Variants in SLC24A2 observed in about 807,000 individuals in gnomAD.
The protein encoded by SLC24A2 is sodium/potassium/calcium exchanger 2.
SLC24A2 carries 36 observed loss-of-function variants against 62.0 expected under a neutral mutation model. The observed-to-expected ratio is 0.58, with a 90% CI of 0.44 to 0.77. SLC24A2 has a LOEUF of 0.77. Among genes scored for constraint, SLC24A2 ranks in the 30% least tolerant of loss-of-function variants. SLC24A2 has a pLI of 0.00. For synonymous variants in SLC24A2, 358 were observed against 294.0 expected (o/e 1.22, Z -2.23); for missense variants, 846 against 817.9 (o/e 1.03, Z -0.42).
At chr9:19,643,501 T>C (rs1818560841) in intron 2 of SLC24A2, among the ~76,000 whole-genome samples, 1 of 152,294 alleles carries the variant, frequency 6.6e-6, no homozygotes, top group Admixed American at 6.5e-5. Flanking sequence ...TTTCTCTGTA[T>C]GCAGGGTGTT....
chr9:20,295,873 G>A, the SLC24A2 span, among the ~76,000 whole-genome samples: 4 of 152,128 alleles, frequency 2.6e-5, no homozygotes, highest in East Asian at 5.8e-4. Flanking sequence ...CCATAACTGC[G>A]TGAGACAATT....
the SLC24A2 span, among the ~76,000 whole-genome samples, chr9:20,010,311 A>G: frequency 6.6e-6 from 1 of 152,160 alleles, no homozygotes; most frequent in Non-Finnish European, 1.5e-5. Flanking sequence ...TCAAATAAGC[A>G]AGGATCAGTG....
chr9:19,833,980 T>G, the SLC24A2 span, among the ~76,000 whole-genome samples: 1 of 152,086 alleles, frequency 6.6e-6, no homozygotes, highest in South Asian at 2.1e-4. Flanking sequence ...TGGAGTGGAC[T>G]GCCAGTAAAC....
At chr9:20,016,182 A>T in the SLC24A2 span, among the ~76,000 whole-genome samples, 61 of 152,276 alleles carry the variant, frequency 4.0e-4, no homozygotes, top group African/African-American at 1.3e-3. Flanking sequence ...CCAAAGAAAC[A>T]TATTTCTATG....
rs572411060 is a variant in SLC24A2, at chr9:19,772,568, A to T, written c.930+13369T>A. ...TTAAAAATGGACAAAGGACTTGAGT[A>T]GACACTTCTCCAAAGAAGCTATACA... On this transcript the variant is annotated intron_variant, in intron 2 of 10. Transcript: ENST00000341998. Among the ~76,000 whole-genome samples the T allele has an allele frequency of 2.0e-5, 3 of 152,368 alleles. No homozygotes were observed. In the South Asian group the frequency reaches 6.2e-4, roughly 32 times the overall value.
chr9:19,946,899 T>C, the SLC24A2 span, among the ~76,000 whole-genome samples: 1 of 152,186 alleles, frequency 6.6e-6, no homozygotes, highest in Non-Finnish European at 1.5e-5. Context: ...TTTGTGTGAA[T>C]GTGTGGATGT....
At chr9:20,144,143 T>C in the SLC24A2 span, among the ~76,000 whole-genome samples, 1 of 152,222 alleles carries the variant, frequency 6.6e-6, no homozygotes, top group African/African-American at 2.4e-5. Context: ...CCTTTGTTCT[T>C]GGTGCTTTTC....
the SLC24A2 span, among the ~76,000 whole-genome samples, chr9:20,116,156 T>C: frequency 1.3e-5 from 2 of 152,128 alleles, no homozygotes. Flanking sequence ...TAGACTCTAG[T>C]CCATTTTCCT....
chr9:20,121,924 T>C, the SLC24A2 span, among the ~76,000 whole-genome samples: 1 of 152,186 alleles, frequency 6.6e-6, no homozygotes, highest in African/African-American at 2.4e-5. Context: ...TAGCATGCAT[T>C]ATACACAACT....
intron 5 of SLC24A2, among the ~76,000 whole-genome samples, chr9:19,584,662 G>A (rs1192267847): frequency 6.6e-6 from 1 of 151,916 alleles, no homozygotes; most frequent in African/African-American, 2.4e-5. Context: ...TAGGGTACAT[G>A]TGCACATTGT....
intron 2 of SLC24A2, among the ~76,000 whole-genome samples, chr9:19,700,283 C>A (rs1401672809): frequency 1.3e-5 from 2 of 152,126 alleles, no homozygotes; most frequent in Admixed American, 6.5e-5. Flanking sequence ...TGGATGTGAA[C>A]TAAACACCTT....
At chr9:19,947,808 A>AAAAG in the SLC24A2 span, among the ~76,000 whole-genome samples, 3,789 of 59,212 alleles carry the variant, frequency 0.064, 280 homozygotes, top group East Asian at 0.19. Flanking sequence ...AAAAAAAAAA[A>AAAAG]AAAGAAAGAA....
the SLC24A2 span, among the ~76,000 whole-genome samples, chr9:20,300,592 C>T: frequency 6.6e-6 from 1 of 152,128 alleles, no homozygotes; most frequent in Non-Finnish European, 1.5e-5. Context: ...ATCAAGTTGG[C>T]CCATAGATTT....
intron 7 of SLC24A2, among the ~76,000 whole-genome samples, chr9:19,556,404 G>A (rs768020009): frequency 6.6e-6 from 1 of 152,176 alleles, no homozygotes; most frequent in Non-Finnish European, 1.5e-5. Context: ...GAAGGGCACT[G>A]AGCAAGATTC....
chr9:20,267,111 A>C, the SLC24A2 span, among the ~76,000 whole-genome samples: 2 of 152,166 alleles, frequency 1.3e-5, no homozygotes, highest in Non-Finnish European at 2.9e-5. Flanking sequence ...AATTATCATA[A>C]AACAGAATAC....
rs1817925370 is a variant in SLC24A2, at chr9:19,622,247, C to T, written c.969+14G>A. 6.2e-7 allele frequency: 1 copy of T among 1,612,468 alleles called. No individual in the cohort carries two copies. The highest frequency in any genetic ancestry group is 1.7e-5 in the Admixed American group (1 of 59,920). ...GGCACACAAACAGGTACAGACAAAG[C>T]CACTGCTTCCTACCGGTAGAGTTGG... On this transcript the variant is annotated intron_variant, in intron 3 of 10. Coordinates refer to ENST00000341998, the MANE Select transcript of SLC24A2 (RefSeq NM_020344.4).
chr9:19,517,634 G>T (rs529576374), intron 10 of SLC24A2, among the ~76,000 whole-genome samples: 1 of 152,072 alleles, frequency 6.6e-6, no homozygotes, highest in Non-Finnish European at 1.5e-5. Context: ...GATCAATACC[G>T]GCACTTTGCC....
chr9:20,267,681 A>C, the SLC24A2 span, among the ~76,000 whole-genome samples: 1 of 152,196 alleles, frequency 6.6e-6, no homozygotes. Context: ...GTGATCAATA[A>C]ATGAATAAAT....
the SLC24A2 span, among the ~76,000 whole-genome samples, chr9:19,995,785 G>A: frequency 6.6e-6 from 1 of 152,218 alleles, no homozygotes. Context: ...GTGCACCCCA[G>A]CATCTAGCCC....
Sources: allele counts gnomAD v4.1 joint callset (sites outside exome capture counted in the v4.1 genomes callset), GRCh38; gene constraint gnomAD v4.1.1; transcripts MANE v1.5; gene names NCBI Gene and HGNC (gene_info 2026-07-23, HGNC 2026-07-21).